Variants in USP50 observed in about 807,000 individuals in gnomAD.
USP50 encodes ubiquitin carboxyl-terminal hydrolase 50.
A neutral mutation model predicts 39.2 loss-of-function variants in USP50; 37 were observed. That is an observed-to-expected ratio of 0.94 (90% confidence interval 0.73 to 1.24). The LOEUF (loss-of-function observed/expected upper bound fraction) is 1.24, where lower values mean the gene tolerates loss of function less well. USP50 is among the 50% of genes most tolerant of loss of function. The pLI is 0.00. For synonymous variants in USP50, 139 were observed against 144.5 expected (o/e 0.96, Z 0.27); for missense variants, 374 against 398.2 (o/e 0.94, Z 0.52).
At chr15:50,495,729 C>A (rs772547966), downstream of USP50, 31 of 779,674 alleles carry the variant, frequency 4.0e-5, no homozygotes, top group Admixed American at 1.8e-4. Flanking sequence ...GATCAGAACT[C>A]CTTTATGAGA....
rs1052110656 is a variant in USP50, at chr15:50,525,558, A to G, written c.936+4239T>C. ...TATATGTATATATGTATATATGTGT[A>G]TATATGTATATATGTATATGTATAT... On this transcript the variant is annotated intron_variant, in intron 6 of 6. Coordinates refer to ENST00000532404, the MANE Select transcript of USP50 (RefSeq NM_203494.5). Among the ~76,000 whole-genome samples, 69 of 107,284 alleles carry G rather than the reference A, an allele frequency of 6.4e-4. 1 individual carries two copies. Among genetic ancestry groups the G allele is most frequent in the African/African-American group, 2.1e-3 (63 of 30,322 alleles). 70.4% of individuals were successfully genotyped at this position (107,284 alleles called of 152,430 possible). A position where few individuals can be genotyped will look rare whatever the true frequency, so the allele number is the denominator to read the frequency against.
In USP50 at chr15:50,529,912, G is replaced by A; in HGVS notation, c.821C>T (p.Thr274Ile). 6.2e-7 allele frequency: 1 copy of A among 1,613,864 alleles called. No individual in the cohort carries two copies. The highest frequency in any genetic ancestry group is 8.5e-7 in the Non-Finnish European group (1 of 1,179,842). ...FHLKRFDIQGTTKRKLRTDIH... is the reference protein window; with the variant it reads ...FHLKRFDIQGITKRKLRTDIH... ...ATCCGTTCTCAGCTTCCTTTTTGTT[G>A]TACCCTGAATGTCAAACCTGCAGGT... Residue 274 changes from threonine to isoleucine, a missense_variant, in exon 6 of 7, where the codon ACA (threonine) becomes ATA (isoleucine). By Grantham distance (89) the Thr-to-Ile change is moderately conservative. Transcript: ENST00000532404.
chr15:50,530,100 A>T (rs2052928704), intron 5 of USP50, among the ~76,000 whole-genome samples, 171 bp from the exon 6 acceptor site: 1 of 152,136 alleles, frequency 6.6e-6, no homozygotes, highest in African/African-American at 2.4e-5. Flanking sequence ...TGAGCCTAGG[A>T]GTTTGAGACC....
chr15:50,493,887 C>T (rs900449921), downstream of USP50: 7 of 788,692 alleles, frequency 8.9e-6, no homozygotes, highest in African/African-American at 1.2e-4. Flanking sequence ...AAGAAGGAAG[C>T]TGAAGGGATG....
chr15:50,508,895 G>T (rs2052699020), intron 6 of USP50: 1 of 151,378 alleles, frequency 6.6e-6, no homozygotes, highest in African/African-American at 2.4e-5. Flanking sequence ...AGCACTTTGG[G>T]AGGCCGAGGC....
intron 6 of USP50, chr15:50,514,260 G>A (rs1191881928): frequency 6.6e-6 from 1 of 152,136 alleles, no homozygotes; most frequent in Admixed American, 6.6e-5. Context: ...CAGACTCGAA[G>A]GCAGGTACAA....
At chr15:50,493,241 C>G, downstream of USP50, 1 of 509,410 alleles carries the variant, frequency 2.0e-6, no homozygotes, top group Non-Finnish European at 3.8e-6. Flanking sequence ...TTAAAGGCCC[C>G]ATCTCTTAAT....
chr15:50,536,671 T>TA (rs538548855), intron 5 of USP50, among the ~76,000 whole-genome samples: 57 of 150,288 alleles, frequency 3.8e-4, no homozygotes, highest in African/African-American at 1.1e-3. Context: ...TAAAATGAAT[T>TA]AAAAAAAAAC....
intron 5 of USP50, among the ~76,000 whole-genome samples, chr15:50,530,443 G>A (rs898934516): frequency 6.6e-6 from 1 of 151,746 alleles, no homozygotes; most frequent in Admixed American, 6.6e-5. Context: ...AATTAGCCGG[G>A]CATGGTAGTG....
downstream of USP50, among the ~76,000 whole-genome samples, chr15:50,496,605 CTTTCAGGA>C (rs1595993173): frequency 1.3e-5 from 2 of 150,084 alleles, no homozygotes; most frequent in South Asian, 2.1e-4. Flanking sequence ...ATTAAATATT[CTTTCAGGA>C]TTTCAGGATT....
downstream of USP50, chr15:50,497,021 A>C (rs2141329198): frequency 5.2e-6 from 8 of 1,535,062 alleles, no homozygotes; most frequent in Non-Finnish European, 7.0e-6. Flanking sequence ...GACTAACTAA[A>C]TAGGTGCTCT....
chr15:50,495,883 T>G (rs762357165), downstream of USP50: 1 of 1,613,856 alleles, frequency 6.2e-7, no homozygotes, highest in South Asian at 1.1e-5. Context: ...AAGAAAATAA[T>G]GATCATCTCG....
Position 50,495,488 on chromosome 15 carries a change from G to GT in USP50, n.185-1359_185-1358insA, listed in dbSNP as rs1358060851. On this transcript the variant is annotated intron_variant and non_coding_transcript_variant, in intron 1 of 1. Coordinates refer to the USP50 transcript ENST00000560159. ...TTTCTTTTTTTAGTAGAGATTGGAG[G>GT]GGGGGGTCTCACTATGTTGCACAAG... Among the ~76,000 whole-genome samples, 3 of 148,598 alleles carry GT rather than the reference G, an allele frequency of 2.0e-5. 1 individual carries two copies. The highest frequency in any genetic ancestry group is 4.0e-4 in the East Asian group (2 of 5,018).
chr15:50,499,897 A>G (rs574524148), downstream of USP50: 4 of 152,304 alleles, frequency 2.6e-5, no homozygotes, highest in South Asian at 8.3e-4. Flanking sequence ...TTTCAAGACT[A>G]GTATTCTCAC....
Position 50,544,785 on chromosome 15 carries a change from T to C in USP50, c.54-4A>G, listed in dbSNP as rs775455998. The stretch of plus-strand genomic sequence containing the variant: ...ATAGTAATCTGTGCACTCTGCACTG[T>C]GTTGGTGCCACATGGGAAGAAAGGG... On this transcript the variant is annotated splice_polypyrimidine_tract_variant and splice_region_variant and intron_variant, in intron 1 of 6. Transcript: ENST00000532404. 3 of 1,610,424 alleles carry C rather than the reference T, an allele frequency of 1.9e-6. No individual in the cohort carries two copies. Among genetic ancestry groups the C allele is most frequent in the Non-Finnish European group, 2.5e-6 (3 of 1,177,560 alleles).
intron 5 of USP50, among the ~76,000 whole-genome samples, chr15:50,530,419 T>G (rs1226260524): frequency 6.6e-6 from 1 of 151,798 alleles, no homozygotes; most frequent in Non-Finnish European, 1.5e-5. Flanking sequence ...TCGTCTCTAC[T>G]AAAAATGCAA....
chr15:50,530,697 T>A (rs1285425767), intron 5 of USP50, among the ~76,000 whole-genome samples: 1 of 152,154 alleles, frequency 6.6e-6, no homozygotes, highest in Non-Finnish European at 1.5e-5. Context: ...CTCACCAAAA[T>A]GAGACTGGAA....
At chr15:50,516,422 G>T (rs2052804234) in intron 6 of USP50, among the ~76,000 whole-genome samples, 2 of 152,084 alleles carry the variant, frequency 1.3e-5, no homozygotes, top group South Asian at 4.2e-4. Flanking sequence ...AAAGAGACCA[G>T]CCTGGCCAAC....
intron 6 of USP50, among the ~76,000 whole-genome samples, chr15:50,518,905 C>G (rs2052825100): frequency 6.6e-6 from 1 of 152,144 alleles, no homozygotes; most frequent in Admixed American, 6.5e-5. Context: ...TACTTGCAAA[C>G]TATTCATTTG....
Sources: allele counts gnomAD v4.1 joint callset (sites outside exome capture counted in the v4.1 genomes callset), GRCh38; gene constraint gnomAD v4.1.1; transcripts MANE v1.5; gene names NCBI Gene and HGNC (gene_info 2026-07-23, HGNC 2026-07-21).